ACTR3C: variants seen among roughly 807,000 people sequenced by gnomAD.
ACTR3C encodes actin-related protein 3C.
A neutral mutation model predicts 26.3 loss-of-function variants in ACTR3C; 18 were observed. The observed-to-expected ratio is 0.68, with a 90% CI of 0.47 to 1.01. The LOEUF (loss-of-function observed/expected upper bound fraction) is 1.01, where lower values mean the gene tolerates loss of function less well. Among genes scored for constraint, ACTR3C ranks in the 50% least tolerant of loss-of-function variants. ACTR3C has a pLI of 0.00. For synonymous variants in ACTR3C, 55 were observed against 94.5 expected (o/e 0.58, Z 2.42); for missense variants, 184 against 250.7 (o/e 0.73, Z 1.80).
At chr7:150,035,814 C>G in the ACTR3C span, among the ~76,000 whole-genome samples, 13 of 132,492 alleles carry the variant, frequency 9.8e-5, no homozygotes, top group East Asian at 2.2e-4. Flanking sequence ...GGGACTGGCT[C>G]TCAGTCCCTG....
chr7:150,296,280 G>A (rs1379607634), intron 1 of ACTR3C, among the ~76,000 whole-genome samples: 2 of 150,060 alleles, frequency 1.3e-5, no homozygotes, highest in Non-Finnish European at 2.9e-5. Context: ...CCTCGGAGGT[G>A]AAGACTACAT....
the ACTR3C span, among the ~76,000 whole-genome samples, chr7:150,027,941 C>A: frequency 6.6e-6 from 1 of 151,794 alleles, no homozygotes; most frequent in African/African-American, 2.4e-5. Context: ...AAAGTAGTCA[C>A]TAGAGCATGC....
chr7:150,006,363 A>AT, the ACTR3C span, among the ~76,000 whole-genome samples: 8 of 149,036 alleles, frequency 5.4e-5, no homozygotes, highest in South Asian at 2.2e-4. Context: ...CGCCTGGCTA[A>AT]TTTTTTTGTA....
At chr7:149,884,659 T>A in the ACTR3C span, among the ~76,000 whole-genome samples, 2 of 151,438 alleles carry the variant, frequency 1.3e-5, no homozygotes, top group South Asian at 4.2e-4. Context: ...ATGGAAGCCA[T>A]GTCTATTACA....
the ACTR3C span, among the ~76,000 whole-genome samples, chr7:150,044,457 C>T: frequency 1.3e-5 from 2 of 152,076 alleles, no homozygotes; most frequent in Non-Finnish European, 2.9e-5. Flanking sequence ...GGTTTTATTT[C>T]TATTTTGAAG....
the ACTR3C span, among the ~76,000 whole-genome samples, chr7:150,168,794 G>C: frequency 6.6e-6 from 1 of 150,842 alleles, no homozygotes; most frequent in African/African-American, 2.5e-5. Context: ...GCCTTTGCCT[G>C]TGATTGCCGC....
the ACTR3C span, among the ~76,000 whole-genome samples, chr7:149,893,741 A>G: frequency 1.3e-5 from 2 of 152,264 alleles, no homozygotes; most frequent in East Asian, 1.9e-4. Flanking sequence ...TTCCATAAAT[A>G]TACTAATGGC....
chr7:150,112,531 C>T, the ACTR3C span, among the ~76,000 whole-genome samples: 2 of 152,136 alleles, frequency 1.3e-5, no homozygotes, highest in Admixed American at 6.5e-5. Context: ...CCCGGAGCTC[C>T]GCGGACTGGT....
intron 6 of ACTR3C, among the ~76,000 whole-genome samples, chr7:150,267,691 A>G (rs1180522123): frequency 2.6e-5 from 4 of 152,342 alleles, no homozygotes; most frequent in African/African-American, 7.2e-5. Flanking sequence ...AAAAAAGATC[A>G]TATACAGAGG....
At chr7:150,024,483 AG>A in the ACTR3C span, among the ~76,000 whole-genome samples, 1 of 147,492 alleles carries the variant, frequency 6.8e-6, no homozygotes, top group African/African-American at 2.5e-5. Context: ...ACATTAAGTG[AG>A]GGCCTGTGGC....
intron 1 of ACTR3C, among the ~76,000 whole-genome samples, chr7:150,321,910 G>A (rs895966973): frequency 2.6e-5 from 4 of 152,176 alleles, no homozygotes; most frequent in African/African-American, 9.7e-5. Context: ...AGCTGAGGTT[G>A]CCCCTGGGAA....
At chr7:150,177,740 G>T in the ACTR3C span, among the ~76,000 whole-genome samples, 2 of 150,624 alleles carry the variant, frequency 1.3e-5, no homozygotes, top group South Asian at 2.1e-4. Flanking sequence ...GCTTCTGATT[G>T]TCTTATTTCT....
the ACTR3C span, among the ~76,000 whole-genome samples, chr7:149,976,480 G>A: frequency 1.5e-4 from 23 of 151,848 alleles, no homozygotes; most frequent in Non-Finnish European, 2.1e-4. Context: ...AGGCTGAGGC[G>A]GGAGAATGGC....
chr7:150,162,824 T>A, the ACTR3C span, among the ~76,000 whole-genome samples: 1 of 152,148 alleles, frequency 6.6e-6, no homozygotes, highest in East Asian at 1.9e-4. Context: ...AATTGATGAA[T>A]GACGGTACCA....
chr7:149,984,365 G>A, the ACTR3C span, among the ~76,000 whole-genome samples: 1 of 152,022 alleles, frequency 6.6e-6, no homozygotes, highest in South Asian at 2.1e-4. Context: ...CACCACACCT[G>A]GCTAATATTT....
At chr7:150,127,960 T>C in the ACTR3C span, among the ~76,000 whole-genome samples, 10 of 151,188 alleles carry the variant, frequency 6.6e-5, no homozygotes, top group East Asian at 7.8e-4. Context: ...TCACAAAATC[T>C]TGGAAGATAA....
At chr7:149,992,765 G>A in the ACTR3C span, among the ~76,000 whole-genome samples, 27 of 152,304 alleles carry the variant, frequency 1.8e-4, 1 homozygote, top group Non-Finnish European at 2.8e-4. Context: ...TATATGAAAC[G>A]GAGCTTATTA....
the ACTR3C span, among the ~76,000 whole-genome samples, chr7:150,095,597 C>T: frequency 0.14 from 20,146 of 147,826 alleles, 2,099 homozygotes; most frequent in Middle Eastern, 0.2. Context: ...CATTACTTTT[C>T]GTAGGTCATG....
chr7:150,280,251 G>A (rs981033898), intron 6 of ACTR3C, among the ~76,000 whole-genome samples: 13 of 152,142 alleles, frequency 8.5e-5, no homozygotes. Flanking sequence ...CCTGGATGAA[G>A]CCCACGGTGG....
Sources: allele counts gnomAD v4.1 joint callset (sites outside exome capture counted in the v4.1 genomes callset), GRCh38; gene constraint gnomAD v4.1.1; transcripts MANE v1.5; gene names NCBI Gene and HGNC (gene_info 2026-07-23, HGNC 2026-07-21).